KCNMA1: variants seen among roughly 807,000 people sequenced by gnomAD.
The protein encoded by KCNMA1 is potassium calcium-activated channel subfamily M alpha 1.
In KCNMA1, 29 loss-of-function variants were observed where a neutral mutation model predicts 140.0. That is an observed-to-expected ratio of 0.21 (90% CI 0.15 to 0.28). KCNMA1 has a LOEUF of 0.28. Ranked by LOEUF, KCNMA1 falls within the 10% of genes least tolerant of loss-of-function variation. KCNMA1 has a pLI of 1.00. For missense variants in KCNMA1, 880 were observed against 1,602.2 expected (o/e 0.55, Z 7.70); for synonymous variants, 612 against 611.9 (o/e 1.00, Z 0.00).
intron 22 of KCNMA1, among the ~76,000 whole-genome samples, chr10:76,946,170 G>A (rs2063890895): frequency 6.6e-6 from 1 of 152,128 alleles, no homozygotes; most frequent in Non-Finnish European, 1.5e-5. Context: ...GTTAGGACAG[G>A]GCCATGGCCT....
chr10:77,130,303 T>A (rs1482941246), intron 5 of KCNMA1, among the ~76,000 whole-genome samples: 1 of 152,224 alleles, frequency 6.6e-6, no homozygotes, highest in Non-Finnish European at 1.5e-5. Context: ...CACTTTATTA[T>A]AAAATATGCT....
intron 22 of KCNMA1, among the ~76,000 whole-genome samples, chr10:76,945,419 GC>G (rs1195354309): frequency 1.3e-5 from 2 of 152,150 alleles, no homozygotes; most frequent in Non-Finnish European, 2.9e-5. Context: ...GCAAAAGACA[GC>G]AGTTCCAATG....
intron 3 of KCNMA1, among the ~76,000 whole-genome samples, chr10:77,193,598 G>T (rs2039379859): frequency 6.6e-6 from 1 of 152,268 alleles, no homozygotes; most frequent in East Asian, 1.9e-4. Flanking sequence ...AGTTCTTCGA[G>T]GGCAGGGTCA....
intron 1 of KCNMA1, among the ~76,000 whole-genome samples, chr10:77,506,504 AAG>A (rs1386720791): frequency 6.7e-6 from 1 of 150,178 alleles, no homozygotes; most frequent in Non-Finnish European, 1.5e-5. Context: ...CAGAGAGAGA[AAG>A]AGAGAGAGAG....
At chr10:76,894,624 C>T (rs1256254483) in intron 25 of KCNMA1, among the ~76,000 whole-genome samples, 1 of 152,124 alleles carries the variant, frequency 6.6e-6, no homozygotes, top group Non-Finnish European at 1.5e-5. Flanking sequence ...CCTTTTATAA[C>T]TCAACCAAAA....
At chr10:77,388,468 G>C (rs2095694212) in intron 2 of KCNMA1, among the ~76,000 whole-genome samples, 2 of 152,200 alleles carry the variant, frequency 1.3e-5, no homozygotes, top group South Asian at 4.1e-4. Context: ...ATTAGCCTCA[G>C]TTCTTTTGAA....
At chr10:76,881,282 A>G (rs946349262), downstream of KCNMA1, among the ~76,000 whole-genome samples, 1 of 152,166 alleles carries the variant, frequency 6.6e-6, no homozygotes, top group Non-Finnish European at 1.5e-5. Flanking sequence ...TTATTAGCAA[A>G]TTTATCTTAG....
chr10:77,510,915 G>T (rs541174451), intron 1 of KCNMA1, among the ~76,000 whole-genome samples: 191 of 152,294 alleles, frequency 1.3e-3, no homozygotes, highest in African/African-American at 4.4e-3. Flanking sequence ...GAAACACATG[G>T]AAATAACATA....
intron 15 of KCNMA1, among the ~76,000 whole-genome samples, chr10:77,028,826 C>A (rs1013030814): frequency 3.9e-5 from 6 of 152,056 alleles, no homozygotes; most frequent in Admixed American, 3.9e-4. Flanking sequence ...GCTAAACAAA[C>A]AAATGGTTTC....
chr10:77,260,235 G>C (rs1303722571), intron 2 of KCNMA1, among the ~76,000 whole-genome samples: 1 of 152,220 alleles, frequency 6.6e-6, no homozygotes, highest in Non-Finnish European at 1.5e-5. Context: ...GGGAGCTGAG[G>C]TTGAGAATAG....
chr10:77,239,273 G>A (rs905294118), intron 3 of KCNMA1, among the ~76,000 whole-genome samples: 3 of 152,188 alleles, frequency 2.0e-5, no homozygotes, highest in African/African-American at 4.8e-5. Context: ...TAGCATCCAC[G>A]TTATTTTCAC....
intron 14 of KCNMA1, among the ~76,000 whole-genome samples, chr10:77,044,817 G>T (rs1362505911): frequency 6.6e-6 from 1 of 152,168 alleles, no homozygotes; most frequent in Non-Finnish European, 1.5e-5. Flanking sequence ...AAGTGAATCC[G>T]TGGTACAAAC....
At chr10:77,050,936 A>G (rs2095339925) in intron 14 of KCNMA1, among the ~76,000 whole-genome samples, 1 of 152,206 alleles carries the variant, frequency 6.6e-6, no homozygotes, top group Non-Finnish European at 1.5e-5. Context: ...TGTTGTGATA[A>G]TTAGCCTAAA....
chr10:77,241,422 C>T (rs580784), intron 3 of KCNMA1, among the ~76,000 whole-genome samples: 132,421 of 152,240 alleles, frequency 0.87, 57,935 homozygotes, highest in East Asian at 0.98. Flanking sequence ...GGTGGGAGGA[C>T]TGCTAGAGCA....
At chr10:77,494,850 G>T (rs1050352955) in intron 1 of KCNMA1, among the ~76,000 whole-genome samples, 2 of 152,196 alleles carry the variant, frequency 1.3e-5, no homozygotes, top group African/African-American at 4.8e-5. Context: ...ATGTGTTCCA[G>T]GCCTCTCTCC....
At chr10:77,176,834 T>C (rs1158800545) in intron 5 of KCNMA1, among the ~76,000 whole-genome samples, 1 of 152,146 alleles carries the variant, frequency 6.6e-6, no homozygotes, top group Non-Finnish European at 1.5e-5. Flanking sequence ...GTCATCTACA[T>C]GCCAGAAGGA....
intron 1 of KCNMA1, 156 bp downstream of exon 1, chr10:77,637,109 A>C: frequency 7.9e-7 from 1 of 1,271,484 alleles, no homozygotes; most frequent in South Asian, 1.6e-5. Flanking sequence ...CCGATCCGAG[A>C]GCACCGGGAG....
intron 1 of KCNMA1, among the ~76,000 whole-genome samples, chr10:77,526,133 T>C (rs1330075325): frequency 6.6e-6 from 1 of 152,100 alleles, no homozygotes; most frequent in East Asian, 1.9e-4. Context: ...AAATCAGACT[T>C]GGTATAAAGC....
At chr10:77,029,938 T>C (rs2093793854) in intron 15 of KCNMA1, among the ~76,000 whole-genome samples, 1 of 152,166 alleles carries the variant, frequency 6.6e-6, no homozygotes. Context: ...TACAGCTTAT[T>C]ATAAGTGGAA....
Sources: gnomAD v4.1 joint callset for allele counts (sites outside exome capture counted in the v4.1 genomes callset) on GRCh38, gnomAD v4.1.1 for gene constraint, MANE v1.5 for transcripts, NCBI Gene and HGNC (gene_info 2026-07-23, HGNC 2026-07-21) for gene names.